HIPK2: variants seen among roughly 807,000 people sequenced by gnomAD.
HIPK2 encodes the protein homeodomain-interacting protein kinase 2.
HIPK2 carries 27 observed loss-of-function variants against 113.7 expected under a neutral mutation model. The ratio of observed to expected loss-of-function variants is 0.24; its 90% CI spans 0.17 to 0.33. The LOEUF is 0.33. HIPK2 is among the 10% of genes least tolerant of loss of function. The pLI, the probability that HIPK2 is intolerant of heterozygous loss-of-function variation, is 1.00. For synonymous variants in HIPK2, 631 were observed against 642.2 expected (o/e 0.98, Z 0.26); for missense variants, 1,257 against 1,588.0 (o/e 0.79, Z 3.54).
At chr7:139,581,962 T>C (rs140091375) in intron 13 of HIPK2, among the ~76,000 whole-genome samples, 130 of 152,352 alleles carry the variant, frequency 8.5e-4, no homozygotes, top group African/African-American at 3.0e-3. Context: ...AAATGTGTGC[T>C]GCATATACCC....
At chr7:139,586,846 GT>G (rs1798848468) in intron 12 of HIPK2, among the ~76,000 whole-genome samples, 1 of 151,958 alleles carries the variant, frequency 6.6e-6, no homozygotes. Context: ...AGGACAAATA[GT>G]TTGTTTGAGT....
chr7:139,579,481 T>C (rs768761537), intron 13 of HIPK2, among the ~76,000 whole-genome samples: 21 of 152,302 alleles, frequency 1.4e-4, no homozygotes, highest in South Asian at 6.2e-4. Flanking sequence ...AGGCCCTTGA[T>C]TGAATTCGGT....
At chr7:139,688,434 G>T (rs1199002478) in intron 2 of HIPK2, among the ~76,000 whole-genome samples, 2 of 152,216 alleles carry the variant, frequency 1.3e-5, no homozygotes, top group East Asian at 3.9e-4. Context: ...GAGACTGGAA[G>T]ACACAGGAAG....
At chr7:139,776,958 G>A (rs1164714343) in intron 1 of HIPK2, 1 of 152,214 alleles carries the variant, frequency 6.6e-6, no homozygotes, top group Non-Finnish European at 1.5e-5. Context: ...CCCAGACCGA[G>A]CCAGAAAAAC....
chr7:139,583,831 T>C lies in HIPK2; in HGVS notation c.2951A>G (p.Asp984Gly), dbSNP rs1285658852. The change falls in exon 13 of 15, where the codon GAT becomes GGT. Residue 984 changes from aspartate (D) to glycine (G), a missense_variant. Coordinates refer to ENST00000406875, the MANE Select transcript of HIPK2 (RefSeq NM_022740.5). Reference sequence around the variant, plus strand: ...CCCCAAATTACCTGGCACCAGGCTATCACACTCCACCAATACTTCGCTGGC... The same window carrying C: ...CCCCAAATTACCTGGCACCAGGCTACCACACTCCACCAATACTTCGCTGGC... Reference protein sequence around the residue: ...TQASEVLVECDSLVPVNTSHH... With the variant: ...TQASEVLVECGSLVPVNTSHH... 2.5e-6 allele frequency: 4 copies of C among 1,611,574 alleles called. No individual in the cohort carries two copies. The South Asian group carries it at 3.3e-5, about 13-fold the overall frequency.
chr7:139,606,263 A>G (rs951602587), intron 9 of HIPK2, among the ~76,000 whole-genome samples: 5 of 152,202 alleles, frequency 3.3e-5, no homozygotes, highest in African/African-American at 9.6e-5. Context: ...GTTTCTGACT[A>G]CTTCTTTTTT....
chr7:139,772,846 A>C lies in HIPK2; in HGVS notation c.19+4759T>G, dbSNP rs369382130. On this transcript the variant is annotated intron_variant, in intron 1 of 14. Coordinates refer to ENST00000406875, the MANE Select transcript of HIPK2 (RefSeq NM_022740.5). The stretch of plus-strand genomic sequence containing the variant: ...CCTGATCCACCCGCCTCAGCCTTCC[A>C]AAGTGCTGGGATTACAGGTGTGAGC... Among the ~76,000 whole-genome samples the C allele has an allele frequency of 5.3e-5, 8 of 150,996 alleles. No homozygotes were observed. The South Asian group carries it at 1.5e-3, about 28-fold the overall frequency.
intron 13 of HIPK2, among the ~76,000 whole-genome samples, chr7:139,581,068 AAGTT>A (rs1415531865): frequency 6.6e-6 from 1 of 151,950 alleles, no homozygotes; most frequent in Non-Finnish European, 1.5e-5. Context: ...GAAATACAAA[AAGTT>A]AGCCGGGCGT....
rs1207844229 is a variant in HIPK2, at chr7:139,777,588, G to C, written c.19+17C>G. 1 of 1,046,904 alleles carries C rather than the reference G, an allele frequency of 9.6e-7. No individual in the cohort carries two copies. The highest frequency in any genetic ancestry group is 6.2e-5 in the East Asian group (1 of 16,034). 64.9% of individuals were successfully genotyped at this position (1,046,904 alleles called of 1,614,324 possible). ...AGGGCGGCGGGCGCGGGGTCGGCGG[G>C]GCCGGGCGCCCCTTACCTTCGTACA... On this transcript the variant is annotated intron_variant, in intron 1 of 14. Transcript: ENST00000406875.
At chr7:139,698,515 C>T (rs1455849813) in intron 2 of HIPK2, among the ~76,000 whole-genome samples, 2 of 152,176 alleles carry the variant, frequency 1.3e-5, no homozygotes, top group East Asian at 1.9e-4. Context: ...TCTATGCTTA[C>T]GTTTTTGACG....
chr7:139,650,885 G>A (rs1278587250), intron 2 of HIPK2, among the ~76,000 whole-genome samples: 2 of 152,230 alleles, frequency 1.3e-5, no homozygotes, highest in African/African-American at 4.8e-5. Context: ...ACGCCCTTGG[G>A]TGACTGCAGC....
At chr7:139,582,772 T>C (rs1184232664) in intron 13 of HIPK2, among the ~76,000 whole-genome samples, 6 of 152,240 alleles carry the variant, frequency 3.9e-5, no homozygotes, top group Non-Finnish European at 1.5e-5. Flanking sequence ...CATGAGCTCT[T>C]GGGAGAGCGT....
intron 2 of HIPK2, among the ~76,000 whole-genome samples, chr7:139,715,677 T>C (rs1250160339): frequency 6.6e-6 from 1 of 152,208 alleles, no homozygotes; most frequent in Non-Finnish European, 1.5e-5. Context: ...ACTCTTCTGC[T>C]CTGCACCCCA....
chr7:139,753,024 G>A (rs1796305800), intron 1 of HIPK2, among the ~76,000 whole-genome samples: 1 of 152,222 alleles, frequency 6.6e-6, no homozygotes, highest in Non-Finnish European at 1.5e-5. Flanking sequence ...GTAGGCTTGG[G>A]CAAGCACAGG....
chr7:139,687,278 C>T (rs1001418598), intron 2 of HIPK2, among the ~76,000 whole-genome samples: 1 of 152,114 alleles, frequency 6.6e-6, no homozygotes, highest in African/African-American at 2.4e-5. Flanking sequence ...TAAGTATGTG[C>T]AATTTTTTAG....
intron 1 of HIPK2, among the ~76,000 whole-genome samples, chr7:139,741,847 T>C (rs1796105686): frequency 6.6e-6 from 1 of 152,244 alleles, no homozygotes; most frequent in Non-Finnish European, 1.5e-5. Context: ...GCACAGAACC[T>C]GGTATGATGA....
chr7:139,633,348 C>CT (rs1450350527), intron 2 of HIPK2, among the ~76,000 whole-genome samples: 2 of 152,152 alleles, frequency 1.3e-5, no homozygotes, highest in African/African-American at 4.8e-5. Context: ...AACACCCCCA[C>CT]TGGTCTTGGA....
At chr7:139,747,078 A>G (rs1796202527) in intron 1 of HIPK2, among the ~76,000 whole-genome samples, 1 of 152,184 alleles carries the variant, frequency 6.6e-6, no homozygotes, top group Non-Finnish European at 1.5e-5. Context: ...AATCAGTCAC[A>G]GGGACCCCTT....
At chr7:139,638,432 C>G (rs1800885599) in intron 2 of HIPK2, among the ~76,000 whole-genome samples, 1 of 152,160 alleles carries the variant, frequency 6.6e-6, no homozygotes, top group Non-Finnish European at 1.5e-5. Context: ...ATGACATACT[C>G]AGACCAGATT....
Sources: allele counts gnomAD v4.1 joint callset (sites outside exome capture counted in the v4.1 genomes callset), GRCh38; gene constraint gnomAD v4.1.1; transcripts MANE v1.5; gene names NCBI Gene and HGNC (gene_info 2026-07-23, HGNC 2026-07-21).